Variants in HSPA12A observed in about 807,000 individuals in gnomAD.
HSPA12A encodes the protein heat shock 70 kDa protein 12A.
Under a neutral mutation model 69.2 loss-of-function variants are expected in HSPA12A, and 28 were observed. The observed-to-expected ratio is 0.40, with a 90% confidence interval of 0.30 to 0.55. The LOEUF is 0.55. HSPA12A is among the 20% of genes least tolerant of loss of function. The pLI is 0.38. For missense variants in HSPA12A, 686 were observed against 900.7 expected (o/e 0.76, Z 3.05); for synonymous variants, 345 against 370.5 (o/e 0.93, Z 0.79).
chr10:116,818,606 T>C (rs1002397585), intron 2 of HSPA12A, among the ~76,000 whole-genome samples: 1 of 152,116 alleles, frequency 6.6e-6, no homozygotes, highest in East Asian at 1.9e-4. Flanking sequence ...CAGTGACGTA[T>C]GGAAGGGGGA....
chr10:116,845,829 C>A (rs943582340), intron 1 of HSPA12A, among the ~76,000 whole-genome samples: 2 of 152,148 alleles, frequency 1.3e-5, no homozygotes, highest in African/African-American at 4.8e-5. Context: ...TAAAACCCCA[C>A]AAATATTTCC....
rs148766480 is a variant in HSPA12A, at chr10:116,688,684, T to C, written c.663+3667A>G. On this transcript the variant is annotated intron_variant, in intron 6 of 11. Coordinates refer to ENST00000369209, the MANE Select transcript of HSPA12A (RefSeq NM_025015.3). Reference sequence around the variant, plus strand: ...TGCTGTTTTGTTTTCCTGATGATCATTTCTCACTGCAGCTTGTTCAGAAAG... The same window carrying C: ...TGCTGTTTTGTTTTCCTGATGATCACTTCTCACTGCAGCTTGTTCAGAAAG... Among the ~76,000 whole-genome samples, 409 of 152,354 alleles carry C rather than the reference T, an allele frequency of 2.7e-3. 2 individuals carry two copies. Among genetic ancestry groups the C allele is most frequent in the African/African-American group, 9.5e-3 (395 of 41,584 alleles).
At position 116,836,802 on chromosome 10, in the gene HSPA12A, C is replaced by T. The variant is rs983972273; in HGVS notation, c.4-1780G>A. 5.6e-4 allele frequency among the ~76,000 whole-genome samples: 85 copies of T among 151,222 alleles called. 2 individuals are homozygous for T. Among genetic ancestry groups the T allele is most frequent in the Non-Finnish European group, 1.2e-4 (8 of 67,738 alleles). On this transcript the variant is annotated intron_variant, in intron 1 of 12. Transcript: ENST00000635765. The stretch of plus-strand genomic sequence containing the variant: ...ACACACACACACACACACACACACA[C>T]AAACTCCTTCAACCCTAAAATTACA...
intron 4 of HSPA12A, 44 bp downstream of exon 4, chr10:116,700,896 GGCA>G: frequency 6.3e-7 from 1 of 1,583,766 alleles, no homozygotes; most frequent in Non-Finnish European, 8.6e-7. Context: ...GAGGAAGCTT[GGCA>G]CTCCATTGCG....
At chr10:116,743,529 C>A (rs1189455329), upstream of HSPA12A, among the ~76,000 whole-genome samples, 4 of 152,230 alleles carry the variant, frequency 2.6e-5, no homozygotes, top group African/African-American at 7.2e-5. Context: ...AGCTGAGGAT[C>A]GGCAGGGTTA....
chr10:116,727,647 T>G (rs1351327054), intron 1 of HSPA12A, among the ~76,000 whole-genome samples: 2 of 152,204 alleles, frequency 1.3e-5, no homozygotes, highest in African/African-American at 4.8e-5. Flanking sequence ...CAACCATTTG[T>G]TTTTTTACTT....
At chr10:116,768,329 T>A (rs1358939568) in intron 2 of HSPA12A, among the ~76,000 whole-genome samples, 1 of 152,122 alleles carries the variant, frequency 6.6e-6, no homozygotes, top group Non-Finnish European at 1.5e-5. Flanking sequence ...AGCAGATTAG[T>A]GCTTGCCAGG....
In HSPA12A at chr10:116,674,673, T is replaced by C; in HGVS notation, c.*108A>G. 1 of 1,138,864 alleles carries C rather than the reference T, an allele frequency of 8.8e-7. No homozygotes were observed. Among genetic ancestry groups the C allele is most frequent in the Non-Finnish European group, 1.2e-6 (1 of 802,802 alleles). The allele number at this position is 1,138,864 out of a possible 1,614,324, so 70.5% of individuals were successfully genotyped here. Reference sequence around the variant, plus strand: ...ATTGTTCTCATCTTCCCTGCTGAAATTCACATGGGCAATGGTGAGGGTCAA... The same window carrying C: ...ATTGTTCTCATCTTCCCTGCTGAAACTCACATGGGCAATGGTGAGGGTCAA... On this transcript the variant is annotated 3_prime_UTR_variant, in exon 12 of 12. Coordinates refer to ENST00000369209, the MANE Select transcript of HSPA12A (RefSeq NM_025015.3).
chr10:116,743,460 G>C (rs189199824), upstream of HSPA12A, among the ~76,000 whole-genome samples: 3 of 152,326 alleles, frequency 2.0e-5, no homozygotes, highest in African/African-American at 7.2e-5. Context: ...TGTGCTACCT[G>C]CCTGGTGCTT....
At position 116,731,782 on chromosome 10, in the gene HSPA12A, A is replaced by G. The variant is rs149487012; in HGVS notation, c.40+10648T>C. 2.1e-3 allele frequency among the ~76,000 whole-genome samples: 323 copies of G among 152,230 alleles called. 9 individuals carry two copies. In the East Asian group the frequency reaches 0.035, roughly 16 times the overall value. ...CCCCCTAACTCCCCCTCTCTCAGCA[A>G]GGTAACCCTTCTTCTGGCCAGGGTT... On this transcript the variant is annotated intron_variant, in intron 1 of 11. Coordinates refer to ENST00000369209, the MANE Select transcript of HSPA12A (RefSeq NM_025015.3).
At chr10:116,802,653 G>A (rs1343090774) in intron 2 of HSPA12A, among the ~76,000 whole-genome samples, 1 of 152,218 alleles carries the variant, frequency 6.6e-6, no homozygotes, top group Non-Finnish European at 1.5e-5. Context: ...TGAGTGCAAA[G>A]ACTGACCAGG....
chr10:116,716,744 G>A (rs1850618700), intron 1 of HSPA12A, among the ~76,000 whole-genome samples: 1 of 152,118 alleles, frequency 6.6e-6, no homozygotes. Context: ...GTGGATGTTT[G>A]TGAGCCTGGG....
At chr10:116,738,146 C>T (rs550932835) in intron 1 of HSPA12A, among the ~76,000 whole-genome samples, 5 of 152,326 alleles carry the variant, frequency 3.3e-5, no homozygotes, top group African/African-American at 1.2e-4. Flanking sequence ...AAGATTGAGT[C>T]GTCACTCCAG....
intron 2 of HSPA12A, among the ~76,000 whole-genome samples, chr10:116,755,620 A>C (rs1230527248): frequency 2.0e-5 from 3 of 151,202 alleles, no homozygotes; most frequent in Non-Finnish European, 4.4e-5. Flanking sequence ...AAAAAAAAAA[A>C]AAAAAAAAAA....
rs140785704 is a variant in HSPA12A at position 116,790,092 on chromosome 10, CTTTTTTTTTT to C, written c.91+44833_91+44842del. On this transcript the variant is annotated intron_variant, in intron 2 of 12. Transcript: ENST00000635765. ...CATGGTATGGACCCTGATAATCTTT[CTTTTTTTTTT>C]TTTTTTTTTTTTTTTTTGAGACAGA... Among the ~76,000 whole-genome samples the C allele has an allele frequency of 1.6e-4, 11 of 69,146 alleles. 1 individual carries two copies. Among genetic ancestry groups the C allele is most frequent in the East Asian group, 5.3e-4 (1 of 1,884 alleles). 45.4% of individuals were successfully genotyped at this position (69,146 alleles called of 152,430 possible). A position where few individuals can be genotyped will look rare whatever the true frequency, so the allele number is the denominator to read the frequency against.
upstream of HSPA12A, among the ~76,000 whole-genome samples, chr10:116,745,454 T>A (rs2133077649): frequency 6.6e-6 from 1 of 152,286 alleles, no homozygotes; most frequent in Non-Finnish European, 1.5e-5. Flanking sequence ...TGCAGCACCC[T>A]CTATACCATC....
At chr10:116,714,917 C>A (rs1850561033) in intron 1 of HSPA12A, among the ~76,000 whole-genome samples, 1 of 152,200 alleles carries the variant, frequency 6.6e-6, no homozygotes, top group East Asian at 1.9e-4. Flanking sequence ...GGACCTCCAC[C>A]TCTAAAAGTC....
intron 2 of HSPA12A, among the ~76,000 whole-genome samples, chr10:116,772,845 C>T (rs569834428): frequency 6.6e-6 from 1 of 152,168 alleles, no homozygotes; most frequent in South Asian, 2.1e-4. Context: ...CAGGCACACA[C>T]CACCACATCT....
chr10:116,778,412 G>C (rs949807871), intron 2 of HSPA12A, among the ~76,000 whole-genome samples: 3 of 152,192 alleles, frequency 2.0e-5, no homozygotes, highest in Non-Finnish European at 2.9e-5. Flanking sequence ...CTTCAAAGCA[G>C]GCAGAATCGC....
Sources: allele counts gnomAD v4.1 joint callset (sites outside exome capture counted in the v4.1 genomes callset), GRCh38; gene constraint gnomAD v4.1.1; transcripts MANE v1.5; gene names NCBI Gene and HGNC (gene_info 2026-07-23, HGNC 2026-07-21).